LRRC37B: variants seen among roughly 807,000 people sequenced by gnomAD.
LRRC37B encodes the protein leucine-rich repeat-containing protein 37B.
LRRC37B carries 28 observed loss-of-function variants against 98.3 expected under a neutral mutation model. The ratio of observed to expected loss-of-function variants is 0.28; its 90% CI spans 0.21 to 0.39. The LOEUF is 0.39. LRRC37B is among the 10% of genes least tolerant of loss of function. The probability of loss-of-function intolerance (pLI) is 1.00; values close to 1 mark genes in which losing one functional copy is unlikely to be tolerated. For missense variants in LRRC37B, 938 were observed against 1,182.7 expected (o/e 0.79, Z 3.03); for synonymous variants, 364 against 442.7 (o/e 0.82, Z 2.23).
intron 7 of LRRC37B, chr17:32,041,475 T>C (rs749709778): frequency 4.4e-5 from 29 of 660,656 alleles, no homozygotes; most frequent in South Asian, 7.0e-5. Context: ...GGACAGCCAG[T>C]TGGGCTTCTT....
At chr17:32,048,353 A>G (rs1315124400) in intron 9 of LRRC37B, among the ~76,000 whole-genome samples, 6 of 149,430 alleles carry the variant, frequency 4.0e-5, no homozygotes, top group Non-Finnish European at 8.9e-5. Context: ...TCCAGCCCCA[A>G]GGGAGCTGGA....
rs574271758 is a variant in LRRC37B at position 32,050,083 on chromosome 17, G to T, written c.2838G>T (p.Leu946Phe). Residue 946 changes from leucine to phenylalanine, a missense_variant, in exon 11 of 12, where the codon TTG becomes TTT. Physicochemically the swap from Leu to Phe is conservative, Grantham distance 22. Around this residue, in one of 2 missense-constraint regions of LRRC37B, gnomAD observed 328 missense variants for 557.0 expected, o/e 0.59. Transcript: ENST00000327564. Reference sequence around the variant, plus strand: ...CTGTGACTGTAATACTAATAATTTTGATTATAATTTTTTGTCTTATAGAGG... The same window carrying T: ...CTGTGACTGTAATACTAATAATTTTTATTATAATTTTTTGTCTTATAGAGG... 14 of 1,555,480 alleles carry T rather than the reference G, an allele frequency of 9.0e-6. No individual in the cohort carries two copies. In the East Asian group the frequency reaches 3.2e-4, roughly 35 times the overall value.
exon 1 of LRRC37B, chr17:32,022,045 A>G (rs1260140054): frequency 2.5e-6 from 4 of 1,613,982 alleles, no homozygotes; most frequent in Admixed American, 3.3e-5. Flanking sequence ...CCTTCAACCC[A>G]GCAGGAGGCC....
At chr17:32,016,787 G>C (rs1910655606), upstream of LRRC37B, 1 of 152,194 alleles carries the variant, frequency 6.6e-6, no homozygotes, top group Admixed American at 6.5e-5. Flanking sequence ...GAAATCACCT[G>C]AAGATTGTGA....
intron 2 of LRRC37B, among the ~76,000 whole-genome samples, chr17:32,025,699 A>T (rs1319437003): frequency 2.0e-5 from 3 of 152,248 alleles, no homozygotes; most frequent in Non-Finnish European, 2.9e-5. Flanking sequence ...TTTATTTAAT[A>T]ATTTCCCCAT....
intron 7 of LRRC37B, among the ~76,000 whole-genome samples, chr17:32,037,924 A>G (rs145204328): frequency 0.037 from 5,621 of 152,056 alleles, 180 homozygotes; most frequent in Middle Eastern, 0.058. Context: ...TGGCTAACAC[A>G]GTGAAACCCA....
intron 3 of LRRC37B, among the ~76,000 whole-genome samples, chr17:32,029,348 C>T (rs1911049914): frequency 6.6e-6 from 1 of 152,132 alleles, no homozygotes; most frequent in Non-Finnish European, 1.5e-5. Context: ...TTCCATGTGT[C>T]AGTTTTAAAC....
chr17:32,043,122 T>C lies in LRRC37B; in HGVS notation c.2205-2578T>C, dbSNP rs1911490302. On this transcript the variant is annotated intron_variant, in intron 7 of 11. Transcript: ENST00000327564. ...CAGAAAATGTATAAACATACACACA[T>C]GGAAAGGAAATGTGGCAAAGTATTA... Among the ~76,000 whole-genome samples the C allele has an allele frequency of 2.0e-5, 3 of 152,128 alleles. No homozygotes were observed. In the South Asian group the frequency reaches 6.2e-4, roughly 32 times the overall value.
intron 8 of LRRC37B, among the ~76,000 whole-genome samples, chr17:32,046,668 T>C (rs1911594120): frequency 6.6e-6 from 1 of 151,932 alleles, no homozygotes; most frequent in African/African-American, 2.4e-5. Context: ...AAAGCATTGT[T>C]AATCTCCTTT....
chr17:32,020,924 A>C, upstream of LRRC37B: 1 of 1,254,262 alleles, frequency 8.0e-7, no homozygotes, highest in Non-Finnish European at 1.0e-6. Context: ...CACTAAGGGG[A>C]GGGGAGGGGT....
At chr17:32,016,037 AT>A (rs1357282070), upstream of LRRC37B, among the ~76,000 whole-genome samples, 1 of 152,206 alleles carries the variant, frequency 6.6e-6, no homozygotes, top group Non-Finnish European at 1.5e-5. Context: ...AATATGAGAA[AT>A]TAATTAAATA....
exon 1 of LRRC37B, chr17:32,021,207 C>T (rs1910763169): frequency 1.2e-6 from 2 of 1,612,856 alleles, no homozygotes; most frequent in Non-Finnish European, 1.7e-6. Context: ...ATTGTCTTTA[C>T]TAGTCAAGGA....
intron 7 of LRRC37B, chr17:32,036,077 T>TA (rs1477660819): frequency 1.3e-5 from 2 of 159,736 alleles, no homozygotes; most frequent in African/African-American, 4.8e-5. Context: ...CTCAGCTCAC[T>TA]ACGACCTCCG....
At position 32,022,725 on chromosome 17, in the gene LRRC37B, G is replaced by A. The variant is rs746335078; in HGVS notation, c.1660G>A (p.Gly554Arg). ...CAACATATGTGAGCTCTGCACCTGC[G>A]GAGATGAGACTCTGTCATGTGTTGG... Residue 554 changes from glycine to arginine, a missense_variant, in exon 1 of 12, where the codon GGA becomes AGA. Coordinates refer to ENST00000327564, the Ensembl canonical transcript of LRRC37B. 1.2e-5 allele frequency: 20 copies of A among 1,613,914 alleles called. No individual in the cohort carries two copies. The highest frequency in any genetic ancestry group is 6.7e-5 in the African/African-American group (5 of 74,942).
At chr17:32,025,398 C>T (rs1910926167) in intron 2 of LRRC37B, among the ~76,000 whole-genome samples, 1 of 151,748 alleles carries the variant, frequency 6.6e-6, no homozygotes, top group Admixed American at 6.6e-5. Context: ...CTCCTTGTGC[C>T]CTACTCCCTC....
intron 1 of LRRC37B, among the ~76,000 whole-genome samples, chr17:32,012,199 T>C (rs182871004): frequency 6.6e-6 from 1 of 152,324 alleles, no homozygotes; most frequent in Admixed American, 6.5e-5. Flanking sequence ...GCTGATTTCC[T>C]GTCTGCTTGT....
At chr17:32,011,913 T>G (rs947903066) in intron 1 of LRRC37B, among the ~76,000 whole-genome samples, 1 of 152,272 alleles carries the variant, frequency 6.6e-6, no homozygotes, top group African/African-American at 2.4e-5. Flanking sequence ...GACCCATGAT[T>G]TGTTTTAAAA....
intron 1 of LRRC37B, among the ~76,000 whole-genome samples, chr17:32,008,457 C>A (rs1318684396): frequency 2.6e-5 from 4 of 152,096 alleles, no homozygotes; most frequent in Non-Finnish European, 5.9e-5. Flanking sequence ...AAACACATAT[C>A]CATTGCATTC....
At chr17:32,046,785 G>C (rs181378787) in intron 8 of LRRC37B, among the ~76,000 whole-genome samples, 2 of 151,714 alleles carry the variant, frequency 1.3e-5, no homozygotes, top group African/African-American at 2.4e-5. Flanking sequence ...CTCCTTTCTC[G>C]CAATCTTTAC....
Sources: allele counts gnomAD v4.1 joint callset (sites outside exome capture counted in the v4.1 genomes callset), GRCh38; gene constraint gnomAD v4.1.1; regional missense constraint gnomAD v4.1.1; transcripts MANE v1.5; gene names NCBI Gene and HGNC (gene_info 2026-07-23, HGNC 2026-07-21).